Variants in PBX3 observed in about 807,000 individuals in gnomAD.
PBX3 encodes PBX homeobox 3, also known as pre-B-cell leukemia transcription factor 3.
PBX3 carries 14 observed loss-of-function variants against 48.5 expected under a neutral mutation model. The observed-to-expected ratio is 0.29, with a 90% CI of 0.19 to 0.45. The LOEUF is 0.45. Among genes scored for constraint, PBX3 ranks in the 20% least tolerant of loss-of-function variants. PBX3 has a pLI of 1.00. For missense variants in PBX3, 386 were observed against 546.7 expected (o/e 0.71, Z 2.93); for synonymous variants, 210 against 200.3 (o/e 1.05, Z -0.41).
At chr9:125,777,964 T>TC (rs1230695150) in intron 2 of PBX3, among the ~76,000 whole-genome samples, 1 of 116,932 alleles carries the variant, frequency 8.6e-6, no homozygotes, top group South Asian at 2.2e-4. Context: ...AAATCTTCTC[T>TC]TTTTTTTTTT....
chr9:125,843,956 G>C (rs1272735134), intron 2 of PBX3: 1 of 293,412 alleles, frequency 3.4e-6, no homozygotes, highest in Non-Finnish European at 7.3e-6. Flanking sequence ...AATGTGTTAA[G>C]ATGAAAGATC....
intron 1 of PBX3, 118 bp from the exon 2 acceptor site, chr9:125,748,432 C>G: frequency 6.7e-7 from 1 of 1,502,142 alleles, no homozygotes; most frequent in Admixed American, 1.9e-5. Flanking sequence ...TCCCACGGTT[C>G]AAAAGGGCCT....
intron 2 of PBX3, among the ~76,000 whole-genome samples, chr9:125,854,426 AT>A (rs1256528304): frequency 6.6e-6 from 1 of 152,044 alleles, no homozygotes; most frequent in East Asian, 1.9e-4. Context: ...GTGTGCCATC[AT>A]GCGCAGCCCT....
chr9:125,932,965 G>A (rs1295040884), intron 4 of PBX3, among the ~76,000 whole-genome samples: 2 of 152,206 alleles, frequency 1.3e-5, no homozygotes, highest in African/African-American at 2.4e-5. Flanking sequence ...ATGTGCCACT[G>A]CACACTGGCC....
intron 2 of PBX3, among the ~76,000 whole-genome samples, chr9:125,786,983 G>A (rs915764526): frequency 4.6e-5 from 7 of 151,382 alleles, no homozygotes; most frequent in African/African-American, 7.3e-5. Flanking sequence ...CCTCGGCCTC[G>A]CAAAGTGCTG....
At position 125,760,111 on chromosome 9, in the gene PBX3, G is replaced by A. The variant is rs79064811; in HGVS notation, c.274+11488G>A. ...CCTATCTGAGCAGTTTATTTCACGC[G>A]GTTTGTTCTGCGTTGGGATCATTAA... is the stretch of plus-strand genomic sequence containing the variant. On this transcript the variant is annotated intron_variant, in intron 2 of 8. Transcript: ENST00000373489. Among the ~76,000 whole-genome samples, 985 of 152,184 alleles carry A rather than the reference G, an allele frequency of 6.5e-3. 15 individuals carry two copies. Among genetic ancestry groups the A allele is most frequent in the African/African-American group, 0.023 (956 of 41,522 alleles).
In PBX3 at chr9:125,915,850, A is replaced by G. The variant is rs1841319309; in HGVS notation, c.439A>G (p.Ile147Val). Residue 147 changes from isoleucine (I) to valine (V), a missense_variant, in exon 3 of 9, where the codon ATT (isoleucine) becomes GTT (valine). Coordinates refer to ENST00000373489, the MANE Select transcript of PBX3 (RefSeq NM_006195.6). ...AASGGSSDNS[I>V]EHSDYRAKLT... ...CTCTGGAGGTTCTTCAGATAACTCT[A>G]TTGAACACTCAGATTACAGAGCCAA... The G allele has an allele frequency of 2.5e-6, 4 of 1,613,960 alleles. No homozygotes were observed. The highest frequency in any genetic ancestry group is 1.1e-5 in the South Asian group (1 of 91,086).
rs1044770462 is a variant in PBX3 at position 125,748,031 on chromosome 9, G to A, written c.200+378G>A. Among the ~76,000 whole-genome samples, 66 of 151,814 alleles carry A rather than the reference G, an allele frequency of 4.3e-4. No homozygotes were observed. The East Asian group carries it at 6.6e-3, about 15-fold the overall frequency. On this transcript the variant is annotated intron_variant, in intron 1 of 8. Coordinates refer to ENST00000373489, the MANE Select transcript of PBX3 (RefSeq NM_006195.6). The stretch of plus-strand genomic sequence containing the variant: ...GGGGAGTCCCGGCGCCGGCTCCCGC[G>A]GCCGCGGGACGACCTCGCGATGCGG...
intron 5 of PBX3, among the ~76,000 whole-genome samples, chr9:125,937,728 T>C (rs1158874416): frequency 3.3e-5 from 5 of 152,232 alleles, no homozygotes; most frequent in African/African-American, 1.2e-4. Flanking sequence ...GGATATGTTA[T>C]CACAGCTCAC....
chr9:125,860,182 A>G (rs571413640), intron 2 of PBX3, among the ~76,000 whole-genome samples: 26 of 152,304 alleles, frequency 1.7e-4, no homozygotes, highest in Non-Finnish European at 3.2e-4. Context: ...CCATCTCTCA[A>G]ACATTGCCAG....
intron 5 of PBX3, among the ~76,000 whole-genome samples, chr9:125,950,641 C>G (rs1842175470): frequency 1.3e-5 from 2 of 152,096 alleles, no homozygotes; most frequent in Admixed American, 6.5e-5. Flanking sequence ...ACCACCATGC[C>G]TGGCTAATTT....
At chr9:125,780,977 G>GCGC (rs1837285600) in intron 2 of PBX3, among the ~76,000 whole-genome samples, 1 of 106,120 alleles carries the variant, frequency 9.4e-6, no homozygotes, top group Non-Finnish European at 1.9e-5. Context: ...CCGGGCAGAG[G>GCGC]CGCTCCTCAC....
At chr9:125,932,546 C>T (rs1000927349) in intron 4 of PBX3, among the ~76,000 whole-genome samples, 147 of 152,270 alleles carry the variant, frequency 9.7e-4, no homozygotes, top group African/African-American at 3.4e-3. Flanking sequence ...TGAATAATTC[C>T]ACTTAATACT....
intron 2 of PBX3, among the ~76,000 whole-genome samples, chr9:125,841,968 G>A (rs1294678685): frequency 1.3e-5 from 2 of 152,060 alleles, no homozygotes; most frequent in Admixed American, 1.3e-4. Flanking sequence ...TTGAGTAAAA[G>A]ACTATATTTT....
At chr9:125,905,907 G>C (rs933798309) in intron 2 of PBX3, among the ~76,000 whole-genome samples, 1 of 151,966 alleles carries the variant, frequency 6.6e-6, no homozygotes, top group African/African-American at 2.4e-5. Flanking sequence ...ATGTCATGTG[G>C]GTGGTTATGC....
At chr9:125,895,812 T>A (rs1217868194) in intron 2 of PBX3, among the ~76,000 whole-genome samples, 3 of 152,086 alleles carry the variant, frequency 2.0e-5, no homozygotes, top group Non-Finnish European at 2.9e-5. Flanking sequence ...AGTGTGAATC[T>A]CAGCAGGTGT....
At position 125,835,015 on chromosome 9, in the gene PBX3, CAAAAAAAAAAAA is replaced by C. The variant is rs745638368; in HGVS notation, c.275-80646_275-80635del. On this transcript the variant is annotated intron_variant, in intron 2 of 8. Transcript: ENST00000373489. ...CTCGGTGACGAGCAAAACTCTGTCTCAAAAAAAAAAAAAAAAAAAAAAAAAAAAAAAAAAAAG... is the reference window on the plus strand; with the variant it reads ...CTCGGTGACGAGCAAAACTCTGTCTCAAAAAAAAAAAAAAAAAAAAAAAAG... 6.4e-4 allele frequency among the ~76,000 whole-genome samples: 16 copies of C among 25,172 alleles called. 1 individual carries two copies. The highest frequency in any genetic ancestry group is 2.2e-3 in the African/African-American group (14 of 6,432). The allele number at this position is 25,172 out of a possible 152,430, so 16.5% of individuals were successfully genotyped here.
At chr9:125,880,242 A>C (rs1214954612) in intron 2 of PBX3, among the ~76,000 whole-genome samples, 1 of 152,116 alleles carries the variant, frequency 6.6e-6, no homozygotes, top group Non-Finnish European at 1.5e-5. Context: ...ACAGGGTTTC[A>C]CCATGTTGGC....
intron 2 of PBX3, among the ~76,000 whole-genome samples, chr9:125,763,857 GTTTT>G (rs1316579760): frequency 6.6e-6 from 1 of 152,052 alleles, no homozygotes; most frequent in Non-Finnish European, 1.5e-5. Flanking sequence ...TTCCTCTCTG[GTTTT>G]TTTATTTCAT....
Sources: allele counts gnomAD v4.1 joint callset (sites outside exome capture counted in the v4.1 genomes callset), GRCh38; gene constraint gnomAD v4.1.1; transcripts MANE v1.5; gene names NCBI Gene and HGNC (gene_info 2026-07-23, HGNC 2026-07-21).